Variants in TCF4 observed in about 807,000 individuals in gnomAD.
TCF4 encodes SL3-3 enhancer factor 2.
A neutral mutation model predicts 82.1 loss-of-function variants in TCF4; 3 were observed. The ratio of observed to expected loss-of-function variants is 0.04; its 90% CI spans 0.02 to 0.09. The LOEUF is 0.09. Ranked by LOEUF, TCF4 falls within the 10% of genes least tolerant of loss-of-function variation. TCF4 has a pLI of 1.00. For missense variants in TCF4, 518 were observed against 852.7 expected, an observed-to-expected ratio of 0.61 and a Z score of 4.89; for synonymous variants, 276 against 309.6, an observed-to-expected ratio of 0.89 and a Z score of 1.14.
intron 6 of TCF4, among the ~76,000 whole-genome samples, chr18:55,397,394 A>T (rs2093564147): frequency 6.6e-6 from 1 of 152,218 alleles, no homozygotes; most frequent in Non-Finnish European, 1.5e-5. Flanking sequence ...AATGTTTTAT[A>T]GGACAGTTGG....
At chr18:55,417,064 G>A (rs532819661) in intron 5 of TCF4, among the ~76,000 whole-genome samples, 3 of 152,358 alleles carry the variant, frequency 2.0e-5, no homozygotes, top group African/African-American at 4.8e-5. Flanking sequence ...GAGCAGGCCC[G>A]ACGACGGAAG....
rs1310310580 is a variant in TCF4, at chr18:55,227,935, A to G, written c.*100T>C. 8.4e-6 allele frequency: 3 copies of G among 357,854 alleles called. No homozygotes were observed. The highest frequency in any genetic ancestry group is 6.1e-5 in the East Asian group (1 of 16,520). The allele number at this position is 357,854 out of a possible 1,614,324, so 22.2% of individuals were successfully genotyped here. On this transcript the variant is annotated 3_prime_UTR_variant, in exon 20 of 20. Transcript: ENST00000354452. ...CTCAGACTTGTCTTATATTACAAAA[A>G]TGGGGGTTAAGGAGAAGTGTTTATG...
intron 3 of TCF4, among the ~76,000 whole-genome samples, chr18:55,571,567 CT>C (rs1409166307): frequency 1.3e-5 from 2 of 152,110 alleles, no homozygotes; most frequent in Non-Finnish European, 2.9e-5. Context: ...ACAGATTATT[CT>C]GTAGGTATCA....
At chr18:55,363,763 G>C (rs951294863) in intron 6 of TCF4, among the ~76,000 whole-genome samples, 3 of 152,036 alleles carry the variant, frequency 2.0e-5, no homozygotes, top group Non-Finnish European at 4.4e-5. Context: ...CCAAGATCTT[G>C]CCACTGCACT....
Position 55,224,070 on chromosome 18 carries a change from T to G in TCF4, c.*3965A>C, listed in dbSNP as rs1363300894. 4 of 151,342 alleles carry G rather than the reference T, an allele frequency of 2.6e-5. No homozygotes were observed. Among genetic ancestry groups the G allele is most frequent in the Admixed American group, 2.6e-4 (4 of 15,200 alleles). 9.4% of individuals were successfully genotyped at this position (151,342 alleles called of 1,614,324 possible). A position where few individuals can be genotyped will look rare whatever the true frequency, so the allele number is the denominator to read the frequency against. On this transcript the variant is annotated 3_prime_UTR_variant, in exon 20 of 20. Transcript: ENST00000354452. ...AAATTTAGTTTTTTTTTTTTCCTAC[T>G]AGGGTGTACTACAGTCTATTTTATA... is the stretch of plus-strand genomic sequence containing the variant.
rs796467385 is a variant in TCF4, at chr18:55,505,720, C to T, written c.146-41583G>A. Reference sequence around the variant, plus strand: ...TTGGGGGGCTGAGGCAGGAGAATGGCGTGAACCCGGGAGGCGGAGCTTGCA... The same window carrying T: ...TTGGGGGGCTGAGGCAGGAGAATGGTGTGAACCCGGGAGGCGGAGCTTGCA... On this transcript the variant is annotated intron_variant, in intron 3 of 19. Coordinates refer to ENST00000354452, the MANE Select transcript of TCF4 (RefSeq NM_001083962.2). Among the ~76,000 whole-genome samples the T allele has an allele frequency of 7.8e-3, 1,135 of 145,372 alleles. 23 individuals are homozygous for T. Among genetic ancestry groups the T allele is most frequent in the African/African-American group, 0.027 (1,073 of 39,696 alleles).
At chr18:55,358,963 T>C (rs2084334971) in intron 6 of TCF4, among the ~76,000 whole-genome samples, 1 of 152,228 alleles carries the variant, frequency 6.6e-6, no homozygotes, top group Admixed American at 6.5e-5. Context: ...TTGTAAGGAG[T>C]ATATTTAAAT....
intron 11 of TCF4, chr18:55,267,081 A>G (rs1395304214): frequency 6.6e-6 from 1 of 152,180 alleles, no homozygotes; most frequent in Non-Finnish European, 1.5e-5. Context: ...GCAACTTTTT[A>G]CCAGGAAAAC....
chr18:55,290,740 A>G (rs1484541713), intron 8 of TCF4, among the ~76,000 whole-genome samples: 2 of 152,132 alleles, frequency 1.3e-5, no homozygotes, highest in South Asian at 2.1e-4. Context: ...AGGAAGCAAG[A>G]GCGATCAGGA....
chr18:55,363,598 G>A (rs765946839), intron 6 of TCF4, among the ~76,000 whole-genome samples: 1 of 152,114 alleles, frequency 6.6e-6, no homozygotes, highest in Non-Finnish European at 1.5e-5. Context: ...GAGGTTAGGA[G>A]TTGAAGACCA....
intron 5 of TCF4, among the ~76,000 whole-genome samples, chr18:55,460,096 C>T (rs1360148806): frequency 6.6e-6 from 1 of 152,130 alleles, no homozygotes; most frequent in African/African-American, 2.4e-5. Flanking sequence ...GTTATGGTCT[C>T]AGAAAAATAT....
chr18:55,511,672 G>C (rs1055874503), intron 3 of TCF4, among the ~76,000 whole-genome samples: 1 of 152,000 alleles, frequency 6.6e-6, no homozygotes, highest in South Asian at 2.1e-4. Context: ...GGACCTGACA[G>C]TATATTTCTT....
At chr18:55,591,815 C>A (rs758732664), upstream of TCF4, among the ~76,000 whole-genome samples, 2 of 152,192 alleles carry the variant, frequency 1.3e-5, no homozygotes, top group Non-Finnish European at 2.9e-5. Context: ...CTGCACCCAG[C>A]CCCCTTCTGC....
chr18:55,531,068 C>G (rs1363567317), intron 3 of TCF4, among the ~76,000 whole-genome samples: 1 of 152,106 alleles, frequency 6.6e-6, no homozygotes, highest in Non-Finnish European at 1.5e-5. Context: ...TCTCCTGCCT[C>G]AGCCTCTCGA....
intron 3 of TCF4, among the ~76,000 whole-genome samples, chr18:55,484,726 T>A (rs1225924802): frequency 1.3e-5 from 2 of 152,140 alleles, no homozygotes; most frequent in Non-Finnish European, 2.9e-5. Flanking sequence ...AACAACAGAT[T>A]TAGATAAATT....
intron 12 of TCF4, 100 bp from the exon 13 acceptor site, chr18:55,260,127 C>T: frequency 1.2e-6 from 1 of 845,516 alleles, no homozygotes; most frequent in Admixed American, 1.9e-5. Flanking sequence ...TTAGAACTTA[C>T]AAGTTACAGC....
intron 8 of TCF4, among the ~76,000 whole-genome samples, chr18:55,286,676 G>A (rs950114358): frequency 1.3e-5 from 2 of 152,198 alleles, no homozygotes; most frequent in African/African-American, 4.8e-5. Flanking sequence ...CAGGTGAACA[G>A]TCCAAGACTG....
intron 5 of TCF4, among the ~76,000 whole-genome samples, chr18:55,414,139 C>A (rs1168455868): frequency 6.6e-6 from 1 of 152,098 alleles, no homozygotes; most frequent in Non-Finnish European, 1.5e-5. Context: ...AGATTTCATG[C>A]AAGATGACAT....
intron 8 of TCF4, among the ~76,000 whole-genome samples, chr18:55,312,275 C>T (rs1224552866): frequency 6.6e-6 from 1 of 152,028 alleles, no homozygotes; most frequent in Non-Finnish European, 1.5e-5. Context: ...TTAAACAGAC[C>T]AACTGAACCC....
Sources: gnomAD v4.1 joint callset for allele counts (sites outside exome capture counted in the v4.1 genomes callset) on GRCh38, gnomAD v4.1.1 for gene constraint, MANE v1.5 for transcripts, NCBI Gene and HGNC (gene_info 2026-07-23, HGNC 2026-07-21) for gene names.